The following LPIN2 variants were observed in gnomAD, a reference collection of about 807,000 sequenced individuals.
LPIN2 encodes the protein phosphatidate phosphatase LPIN2.
In LPIN2, 55 loss-of-function variants were observed where a neutral mutation model predicts 111.4. That is an observed-to-expected ratio of 0.49 (90% confidence interval 0.40 to 0.62). The LOEUF (loss-of-function observed/expected upper bound fraction) is 0.62. Among genes scored for constraint, LPIN2 ranks in the 20% least tolerant of loss-of-function variants. The pLI is 0.00. For synonymous variants in LPIN2, 425 were observed against 414.0 expected (o/e 1.03, Z -0.32); for missense variants, 992 against 1,112.1 (o/e 0.89, Z 1.54).
At position 2,925,946 on chromosome 18, in the gene LPIN2, G is replaced by T. The variant is rs1884515041; in HGVS notation, c.1794-578C>A. On this transcript the variant is annotated intron_variant, in intron 13 of 19. Transcript: ENST00000677752. The surrounding 1 kb of genome is among the most constrained non-coding windows in gnomAD (Gnocchi z 4.1). ...GCTTGAGCCCAGGAGTTTGAGACCA[G>T]CCTGGGCAACACAGCAAGACCCTGT... Among the ~76,000 whole-genome samples, 1 of 152,092 alleles carries T rather than the reference G, an allele frequency of 6.6e-6. No individual in the cohort carries two copies. The highest frequency in any genetic ancestry group is 2.4e-5 in the African/African-American group (1 of 41,404).
chr18:2,940,411 T>TA (rs1239249384), intron 5 of LPIN2, among the ~76,000 whole-genome samples, 194 bp downstream of exon 5: 10 of 152,224 alleles, frequency 6.6e-5, no homozygotes, highest in Non-Finnish European at 4.4e-5. Flanking sequence ...CCAACACTGT[T>TA]AGAGTAAGTC....
At chr18:3,006,816 G>C (rs568696401) in intron 1 of LPIN2, among the ~76,000 whole-genome samples, 1 of 150,556 alleles carries the variant, frequency 6.6e-6, no homozygotes, top group African/African-American at 2.5e-5. Context: ...CAGCCTGGGC[G>C]ACAGAACGAG....
At chr18:2,965,866 A>C (rs2077793793) in intron 1 of LPIN2, among the ~76,000 whole-genome samples, 1 of 152,186 alleles carries the variant, frequency 6.6e-6, no homozygotes, top group Non-Finnish European at 1.5e-5. Flanking sequence ...GAGTAATCAG[A>C]GATAAAAGGT....
chr18:3,003,638 T>A (rs1178797958), intron 1 of LPIN2, among the ~76,000 whole-genome samples: 1 of 152,232 alleles, frequency 6.6e-6, no homozygotes, highest in Admixed American at 6.5e-5. Context: ...TATAATTTCT[T>A]ATGTCTGTTT....
intron 3 of LPIN2, 34 bp from the exon 4 acceptor site, chr18:2,951,390 G>T: frequency 6.5e-7 from 1 of 1,535,800 alleles, no homozygotes; most frequent in African/African-American, 1.4e-5. Context: ...AGTTATCCAT[G>T]ACAAACTCGA....
chr18:2,992,775 A>G (rs965039007), intron 1 of LPIN2, among the ~76,000 whole-genome samples: 1 of 151,984 alleles, frequency 6.6e-6, no homozygotes, highest in African/African-American at 2.4e-5. Flanking sequence ...TGAGGTCAGG[A>G]GATGGAGACC....
At chr18:2,977,264 T>C (rs1242745750) in intron 1 of LPIN2, 1 of 151,374 alleles carries the variant, frequency 6.6e-6, no homozygotes, top group Admixed American at 6.6e-5. Flanking sequence ...GAAGCTAAAA[T>C]GAACCCTGTG....
intron 4 of LPIN2, among the ~76,000 whole-genome samples, chr18:2,942,365 G>GA (rs1376411607): frequency 6.6e-6 from 1 of 152,154 alleles, no homozygotes; most frequent in African/African-American, 2.4e-5. Context: ...TCAGGTTTGT[G>GA]AATGGTCTTT....
chr18:2,958,147 A>G (rs2077644188), intron 2 of LPIN2, among the ~76,000 whole-genome samples: 1 of 117,366 alleles, frequency 8.5e-6, no homozygotes, highest in African/African-American at 3.4e-5. Flanking sequence ...ATCTCAAAAA[A>G]AAAAAAAAAA....
At chr18:3,006,706 G>A (rs904436576) in intron 1 of LPIN2, among the ~76,000 whole-genome samples, 13 of 152,116 alleles carry the variant, frequency 8.5e-5, no homozygotes, top group South Asian at 2.1e-4. Context: ...GCGTGGTGGC[G>A]GGAGCCTGTA....
intron 1 of LPIN2, among the ~76,000 whole-genome samples, chr18:2,969,719 A>G (rs576129560): frequency 1.1e-4 from 17 of 152,208 alleles, no homozygotes; most frequent in Non-Finnish European, 2.4e-4. Flanking sequence ...ATACACGCTC[A>G]TGAACCCCAA....
chr18:2,971,575 A>G (rs781606901), intron 1 of LPIN2, among the ~76,000 whole-genome samples: 2 of 152,210 alleles, frequency 1.3e-5, no homozygotes, highest in Non-Finnish European at 2.9e-5. Flanking sequence ...TAGGTTCTTA[A>G]TAAGTGGTTT....
rs997151102 is a variant in LPIN2 at position 2,999,665 on chromosome 18, C to T, written c.-10+13422G>A. 5.7e-4 allele frequency among the ~76,000 whole-genome samples: 86 copies of T among 151,688 alleles called. 1 individual carries two copies. Among genetic ancestry groups the T allele is most frequent in the African/African-American group, 1.8e-3 (74 of 41,354 alleles). On this transcript the variant is annotated intron_variant, in intron 1 of 19. Transcript: ENST00000677752. ...AGACAGACATGCACACAGAAGAACGCCATGTGAATATAAAGGCAGAGATTG... is the reference window on the plus strand; with the variant it reads ...AGACAGACATGCACACAGAAGAACGTCATGTGAATATAAAGGCAGAGATTG...
intron 16 of LPIN2, among the ~76,000 whole-genome samples, chr18:2,923,382 T>C (rs777101087): frequency 3.3e-5 from 4 of 120,956 alleles, no homozygotes; most frequent in Non-Finnish European, 6.3e-5. Context: ...GTCGCGCCAT[T>C]GCACTTCAGC....
At chr18:2,970,639 A>C (rs1598583960) in intron 1 of LPIN2, among the ~76,000 whole-genome samples, 1 of 152,232 alleles carries the variant, frequency 6.6e-6, no homozygotes, top group Non-Finnish European at 1.5e-5. Flanking sequence ...TGGAGCCCTA[A>C]AACACCCTCC....
Position 2,931,434 on chromosome 18 carries a change from C to A in LPIN2, c.1278G>T (p.Glu426Asp). The change falls in exon 9 of 20, where the codon GAG becomes GAT. Residue 426 changes from glutamate (E) to aspartate (D), a missense_variant. Physicochemically the swap from Glu to Asp is conservative, Grantham distance 45 (BLOSUM62 2). Transcript: ENST00000677752. ...ACTCGGGCCACTGCCTGGAACCGGG[C>A]TCCGATTCACTGTGGACAGGGGATG... The part of the protein sequence containing the change: ...AALYFPKSES[E>D]PGSRQWPESD... 1 of 1,586,916 alleles carries A rather than the reference C, an allele frequency of 6.3e-7. No homozygotes were observed. The highest frequency in any genetic ancestry group is 2.3e-5 in the East Asian group (1 of 43,892).
At chr18:2,946,512 T>C (rs112334518) in intron 4 of LPIN2, 83 of 1,565,734 alleles carry the variant, frequency 5.3e-5, no homozygotes, top group Non-Finnish European at 6.9e-5. Flanking sequence ...TGACCGCAGC[T>C]CCGGTTGTAG....
intron 2 of LPIN2, among the ~76,000 whole-genome samples, chr18:2,958,636 G>T (rs1030462218): frequency 2.6e-5 from 4 of 152,100 alleles, no homozygotes; most frequent in Admixed American, 2.6e-4. Flanking sequence ...ATATTCTTTG[G>T]GTTTCTGAGA....
At chr18:2,999,759 G>A (rs773244148) in intron 1 of LPIN2, among the ~76,000 whole-genome samples, 13 of 152,116 alleles carry the variant, frequency 8.5e-5, no homozygotes, top group South Asian at 2.1e-4. Flanking sequence ...AGGAGAGGAC[G>A]CTAATAAAAA....
Sources: gnomAD v4.1 joint callset for allele counts (sites outside exome capture counted in the v4.1 genomes callset) on GRCh38, gnomAD v4.1.1 for gene constraint, Gnocchi (gnomAD v3.1) non-coding constraint, MANE v1.5 for transcripts, NCBI Gene and HGNC (gene_info 2026-07-23, HGNC 2026-07-21) for gene names.